FBLN2: variants seen among roughly 807,000 people sequenced by gnomAD.
FBLN2 encodes fibulin 2, also known as fibulin-2.
In FBLN2, 81 loss-of-function variants were observed where a neutral mutation model predicts 123.7. The observed-to-expected ratio is 0.65, with a 90% confidence interval of 0.55 to 0.79. The LOEUF (loss-of-function observed/expected upper bound fraction) is 0.79. Ranked by LOEUF, FBLN2 falls within the 30% of genes least tolerant of loss-of-function variation. FBLN2 has a pLI of 0.00. For missense variants in FBLN2, 1,603 were observed against 1,681.3 expected (o/e 0.95, Z 0.81); for synonymous variants, 699 against 701.4 (o/e 1.00, Z 0.05).
rs1706553321 is a variant in FBLN2 at position 13,638,326 on chromosome 3, T to G, written c.*407T>G. On this transcript the variant is annotated 3_prime_UTR_variant, in exon 18 of 18. Transcript: ENST00000404922. ...AAAAATCATTTTAAAGTTTTTTGTT[T>G]AACTATAAAGTAGTACATGTACATT... The G allele has an allele frequency of 4.8e-6, 2 of 418,890 alleles. No homozygotes were observed. The highest frequency in any genetic ancestry group is 3.9e-5 in the Admixed American group (1 of 25,736). The allele number at this position is 418,890 out of a possible 1,614,324, so 25.9% of individuals were successfully genotyped here.
rs1338185670 is a variant in FBLN2, at chr3:13,570,760, C to T, written c.405C>T (p.Gly135=). ...VVVADSCPQC[G]QVGCVHAGHK... is the part of the protein sequence containing the mutation. ...TGGCTGACAGCTGCCCACAGTGCGGCCAGGTGGGCTGCGTCCACGCGGGCC... is the reference window on the plus strand; with the variant it reads ...TGGCTGACAGCTGCCCACAGTGCGGTCAGGTGGGCTGCGTCCACGCGGGCC... Residue 135 remains glycine (G), a synonymous_variant, in exon 2 of 18, where the codon GGC becomes GGT. Transcript: ENST00000404922. 2 of 1,601,980 alleles carry T rather than the reference C, an allele frequency of 1.2e-6. No individual in the cohort carries two copies. Among genetic ancestry groups the T allele is most frequent in the East Asian group, 2.3e-5 (1 of 44,302 alleles).
chr3:13,586,832 A>G (rs1240958916), intron 2 of FBLN2, among the ~76,000 whole-genome samples: 1 of 145,184 alleles, frequency 6.9e-6, no homozygotes. Flanking sequence ...TTAAGAAAAA[A>G]GATTTAAAAG....
At chr3:13,560,724 G>A (rs938191603) in intron 1 of FBLN2, among the ~76,000 whole-genome samples, 2 of 152,090 alleles carry the variant, frequency 1.3e-5, no homozygotes, top group Non-Finnish European at 2.9e-5. Flanking sequence ...CCTTCCTTCC[G>A]TTTCTCCTGC....
At chr3:13,562,504 A>G (rs1018411444) in intron 1 of FBLN2, among the ~76,000 whole-genome samples, 3 of 151,950 alleles carry the variant, frequency 2.0e-5, no homozygotes, top group African/African-American at 7.3e-5. Flanking sequence ...TTATAGGTAT[A>G]TGCCACCACA....
intron 17 of FBLN2, 36 bp from the exon 18 acceptor site, chr3:13,637,526 G>A (rs752562553): frequency 3.3e-6 from 5 of 1,538,410 alleles, no homozygotes; most frequent in East Asian, 2.3e-5. Flanking sequence ...AGGGGGGTGG[G>A]CGAGCTGTGG....
At chr3:13,608,231 C>T in intron 3 of FBLN2, 58 bp downstream of exon 3, 1 of 1,301,014 alleles carries the variant, frequency 7.7e-7, no homozygotes. Context: ...CAGAACCCTG[C>T]TTGCCTAGGA....
At chr3:13,555,481 G>T (rs893570818) in intron 1 of FBLN2, among the ~76,000 whole-genome samples, 1 of 151,380 alleles carries the variant, frequency 6.6e-6, no homozygotes, top group Non-Finnish European at 1.5e-5. Context: ...TTGAGATGGA[G>T]TCTCGCTATG....
chr3:13,568,147 G>A (rs1037445249), intron 1 of FBLN2, among the ~76,000 whole-genome samples: 7 of 152,094 alleles, frequency 4.6e-5, no homozygotes, highest in Non-Finnish European at 8.8e-5. Flanking sequence ...AGGGGCGTCA[G>A]CCCTCGAGGC....
intron 2 of FBLN2, among the ~76,000 whole-genome samples, chr3:13,590,949 A>G (rs1358473648): frequency 6.6e-6 from 1 of 152,220 alleles, no homozygotes; most frequent in East Asian, 1.9e-4. Context: ...TTGCTGCATC[A>G]AAGGTTATGT....
At position 13,571,267 on chromosome 3, in the gene FBLN2, G is replaced by A. The variant is rs1423832499; in HGVS notation, c.912G>A (p.Leu304=). ...EQLAAGGHRG[L]DGLPTTAPAG... is the part of the protein sequence containing the mutation. ...TGGCAGCAGGTGGCCACAGGGGGCT[G>A]GATGGGCTGCCCACTACAGCCCCAG... is the stretch of plus-strand genomic sequence containing the variant. Residue 304 remains leucine (L), a synonymous_variant, in exon 2 of 18, where the codon CTG becomes CTA. Transcript: ENST00000404922. The A allele has an allele frequency of 1.3e-6, 2 of 1,569,580 alleles. No homozygotes were observed. The highest frequency in any genetic ancestry group is 1.4e-5 in the African/African-American group (1 of 73,874).
intron 2 of FBLN2, among the ~76,000 whole-genome samples, chr3:13,606,120 G>T (rs1333728698): frequency 1.3e-5 from 2 of 152,076 alleles, no homozygotes; most frequent in East Asian, 3.9e-4. Context: ...GGCTGGTCTC[G>T]AACTCCTGAG....
intron 2 of FBLN2, among the ~76,000 whole-genome samples, chr3:13,587,371 G>A (rs1354411164): frequency 6.6e-6 from 1 of 152,110 alleles, no homozygotes; most frequent in African/African-American, 2.4e-5. Flanking sequence ...ACTAAATTTA[G>A]TGTAGCTGAA....
intron 16 of FBLN2, among the ~76,000 whole-genome samples, chr3:13,631,751 G>A (rs1297697831): frequency 1.3e-5 from 2 of 152,210 alleles, no homozygotes; most frequent in Admixed American, 6.5e-5. Context: ...ACGGAGGCAC[G>A]AAGCCTGCCC....
chr3:13,610,381 G>A (rs1298114890), intron 4 of FBLN2, among the ~76,000 whole-genome samples: 1 of 152,104 alleles, frequency 6.6e-6, no homozygotes, highest in Non-Finnish European at 1.5e-5. Context: ...GGTTATTGAG[G>A]GTGTTTCTCT....
At chr3:13,586,694 G>A (rs1465165838) in intron 2 of FBLN2, among the ~76,000 whole-genome samples, 2 of 140,414 alleles carry the variant, frequency 1.4e-5, no homozygotes, top group Non-Finnish European at 3.0e-5. Flanking sequence ...TATTTTAGTA[G>A]AGACGGATTT....
Position 13,573,629 on chromosome 3 carries a change from C to T in FBLN2, c.1306+1968C>T, listed in dbSNP as rs138995047. ...AGCCACTGTCAGAGGGTGGGCCGGG[C>T]GTGGTGGCTCACGCCTGTAATCCCA... On this transcript the variant is annotated intron_variant, in intron 2 of 17. Coordinates refer to ENST00000404922, the MANE Select transcript of FBLN2 (RefSeq NM_001004019.2). Among the ~76,000 whole-genome samples, 322 of 152,266 alleles carry T rather than the reference C, an allele frequency of 2.1e-3. 1 individual carries two copies. Among genetic ancestry groups the T allele is most frequent in the African/African-American group, 7.1e-3 (295 of 41,554 alleles).
Position 13,627,841 on chromosome 3 carries a change from AGTGTGCGATGGGCACGCACACCT to A in FBLN2, c.2443_2465del (p.Cys815ProfsTer30). The A allele has an allele frequency of 6.2e-7, 1 of 1,613,034 alleles. No homozygotes were observed. The highest frequency in any genetic ancestry group is 1.1e-5 in the South Asian group (1 of 90,998). ...AGCCTCTCCGCTGCAGACGTGGATG[AGTGTGCGATGGGCACGCACACCT>A]GCCAGCCGGGCTTCTTGTGCCAGAA... On this transcript the variant is annotated frameshift_variant, in exon 11 of 18. Coordinates refer to ENST00000404922, the MANE Select transcript of FBLN2 (RefSeq NM_001004019.2). LOFTEE classifies it high-confidence loss of function.
At chr3:13,555,925 A>C (rs746681098) in intron 1 of FBLN2, among the ~76,000 whole-genome samples, 1 of 152,298 alleles carries the variant, frequency 6.6e-6, no homozygotes, top group African/African-American at 2.4e-5. Flanking sequence ...CTGTCCTTGG[A>C]ACAGTCATCT....
Position 13,618,922 on chromosome 3 carries a change from C to T in FBLN2, c.1958C>T (p.Pro653Leu), listed in dbSNP as rs200780802. The T allele has an allele frequency of 3.8e-5, 62 of 1,613,002 alleles. No homozygotes were observed. Among genetic ancestry groups the T allele is most frequent in the African/African-American group, 4.0e-5 (3 of 74,930 alleles). The change falls in exon 7 of 18, where the codon CCG becomes CTG. Residue 653 changes from proline (P) to leucine (L), a missense_variant. By Grantham distance (98) the Pro-to-Leu change is moderately conservative (BLOSUM62 -3). Coordinates refer to ENST00000404922, the MANE Select transcript of FBLN2 (RefSeq NM_001004019.2). ...ATGACAGAGGGTCACCCTCCACAGCCGGAAGCCCCACAGGAGCCTGCACTG... is the reference window on the plus strand; with the variant it reads ...ATGACAGAGGGTCACCCTCCACAGCTGGAAGCCCCACAGGAGCCTGCACTG... ...TCRPEGHPPQ[P>L]EAPQEPALKS... is the part of the protein sequence containing the mutation.
Sources: allele counts gnomAD v4.1 joint callset (sites outside exome capture counted in the v4.1 genomes callset), GRCh38; gene constraint gnomAD v4.1.1; transcripts MANE v1.5; gene names NCBI Gene and HGNC (gene_info 2026-07-23, HGNC 2026-07-21).